The following CDC25C variants were observed in gnomAD, a reference collection of about 807,000 sequenced individuals.
CDC25C encodes cell division cycle 25C, also known as M-phase inducer phosphatase 3.
CDC25C carries 48 observed loss-of-function variants against 52.5 expected under a neutral mutation model. The observed-to-expected ratio is 0.91, with a 90% CI of 0.72 to 1.16. The LOEUF is 1.16. CDC25C is among the 50% of genes most tolerant of loss of function. The pLI is 0.00. For missense variants in CDC25C, 510 were observed against 566.1 expected (o/e 0.90, Z 1.01); for synonymous variants, 187 against 206.5 (o/e 0.91, Z 0.81).
chr5:138,305,731 A>AAATT (rs1757957523), intron 7 of CDC25C, among the ~76,000 whole-genome samples: 1 of 152,214 alleles, frequency 6.6e-6, no homozygotes, highest in Admixed American at 6.5e-5. Context: ...CTGTTATGGC[A>AAATT]GACATTTACA....
intron 7 of CDC25C, among the ~76,000 whole-genome samples, chr5:138,295,049 T>C (rs1373637400): frequency 3.3e-5 from 5 of 152,250 alleles, no homozygotes; most frequent in Non-Finnish European, 5.9e-5. Flanking sequence ...AAAGTACTTT[T>C]ATCTTTTAAC....
chr5:138,328,431 A>G (rs13162429), intron 4 of CDC25C, 53 bp downstream of exon 4: 4 of 1,517,844 alleles, frequency 2.6e-6, no homozygotes, highest in South Asian at 1.1e-5. Context: ...TAAAATCTCT[A>G]TGACCAGTGC....
chr5:138,323,448 C>T (rs1028803865), intron 6 of CDC25C, among the ~76,000 whole-genome samples: 1 of 151,940 alleles, frequency 6.6e-6, no homozygotes, highest in Non-Finnish European at 1.5e-5. Context: ...CAGGCATGCA[C>T]CACCAAGTCC....
At chr5:138,316,339 C>T (rs760608065) in intron 7 of CDC25C, among the ~76,000 whole-genome samples, 1 of 152,192 alleles carries the variant, frequency 6.6e-6, no homozygotes, top group Non-Finnish European at 1.5e-5. Context: ...CACCCTGCCA[C>T]CTTGACCCCC....
At chr5:138,294,024 ATTTTTTTTTTTT>A (rs36022580) in intron 7 of CDC25C, among the ~76,000 whole-genome samples, 1 of 125,976 alleles carries the variant, frequency 7.9e-6, no homozygotes, top group Non-Finnish European at 1.6e-5. Context: ...TTTTCTTTGG[ATTTTTTTTTTTT>A]TTTTTTTGAG....
chr5:138,338,295 T>G (rs568177872), exon 1 of CDC25C: 3 of 678,350 alleles, frequency 4.4e-6, no homozygotes, highest in East Asian at 1.3e-4. Context: ...CCCTGGGAGC[T>G]GGAGGAACCG....
At chr5:138,338,304 C>T (rs116204410) in exon 1 of CDC25C, 33 of 601,322 alleles carry the variant, frequency 5.5e-5, no homozygotes, top group African/African-American at 5.1e-4. Context: ...CTGGAGGAAC[C>T]GCGGTAGGTG....
At chr5:138,317,810 T>C (rs1759019540) in intron 7 of CDC25C, among the ~76,000 whole-genome samples, 1 of 150,728 alleles carries the variant, frequency 6.6e-6, no homozygotes, top group Non-Finnish European at 1.5e-5. Context: ...CTATCAGTGA[T>C]ATGGGAAAGA....
chr5:138,293,091 G>C (rs989144309), intron 7 of CDC25C, among the ~76,000 whole-genome samples: 1 of 152,198 alleles, frequency 6.6e-6, no homozygotes, highest in African/African-American at 2.4e-5. Flanking sequence ...TGGATATTAT[G>C]TTGTTTATCA....
At chr5:138,308,579 C>CA (rs1435810452) in intron 7 of CDC25C, among the ~76,000 whole-genome samples, 2 of 152,086 alleles carry the variant, frequency 1.3e-5, no homozygotes, top group Non-Finnish European at 2.9e-5. Context: ...ATTCCCAACT[C>CA]ACTGTTTTTC....
At chr5:138,331,940 A>C, upstream of CDC25C, 1 of 975,712 alleles carries the variant, frequency 1.0e-6, no homozygotes, top group Non-Finnish European at 1.2e-6. Flanking sequence ...CTCGCAGATC[A>C]CCTGGGGGCG....
intron 7 of CDC25C, among the ~76,000 whole-genome samples, chr5:138,295,352 T>C (rs1276866541): frequency 6.6e-6 from 1 of 152,194 alleles, no homozygotes; most frequent in Non-Finnish European, 1.5e-5. Context: ...AGCTCACACC[T>C]GTAATCCCAA....
intron 4 of CDC25C, among the ~76,000 whole-genome samples, chr5:138,328,132 G>T (rs1369641691): frequency 1.3e-5 from 2 of 152,176 alleles, no homozygotes; most frequent in African/African-American, 2.4e-5. Flanking sequence ...CTCCCAAAGT[G>T]CTGGGATTAC....
intron 7 of CDC25C, among the ~76,000 whole-genome samples, chr5:138,304,026 A>G (rs1416564624): frequency 6.6e-6 from 1 of 152,200 alleles, no homozygotes; most frequent in Non-Finnish European, 1.5e-5. Context: ...TTCTGATAGC[A>G]TCTGTTTTCT....
Position 138,294,464 on chromosome 5 carries a change from A to G in CDC25C, c.616-2348T>C, listed in dbSNP as rs1757016283. 2.1e-5 allele frequency among the ~76,000 whole-genome samples: 3 copies of G among 145,392 alleles called. No homozygotes were observed. The South Asian group carries it at 6.5e-4, about 31-fold the overall frequency. Reference sequence around the variant, plus strand: ...CTCAGCCTCCCAAAGTTCTGGGATTACAAGTGTGAGCCACCGTGCCCAACC... The same window carrying G: ...CTCAGCCTCCCAAAGTTCTGGGATTGCAAGTGTGAGCCACCGTGCCCAACC... On this transcript the variant is annotated intron_variant, in intron 7 of 13. Transcript: ENST00000323760.
intron 1 of CDC25C, among the ~76,000 whole-genome samples, chr5:138,337,355 C>T (rs1298409904): frequency 2.0e-5 from 3 of 152,192 alleles, no homozygotes; most frequent in African/African-American, 7.2e-5. Context: ...GTGGTTTTGT[C>T]TTCCTGAAGT....
At chr5:138,318,936 T>A (rs1759120620) in intron 7 of CDC25C, among the ~76,000 whole-genome samples, 1 of 152,158 alleles carries the variant, frequency 6.6e-6, no homozygotes, top group African/African-American at 2.4e-5. Context: ...ATCAACTGTT[T>A]AAACCATGTT....
rs1757641818 is a variant in CDC25C, at chr5:138,301,708, T to TA, written c.616-9593_616-9592insT. Among the ~76,000 whole-genome samples the TA allele has an allele frequency of 1.1e-4, 16 of 147,798 alleles. 1 individual carries two copies. The South Asian group carries it at 3.5e-3, about 32-fold the overall frequency. ...AGGTACACAAAAAAAAAAAAAAATT[T>TA]TTTTTTTTTTTTTCAGATGGAGTCT... On this transcript the variant is annotated intron_variant, in intron 7 of 13. Transcript: ENST00000323760.
intron 7 of CDC25C, among the ~76,000 whole-genome samples, chr5:138,314,452 C>T (rs1279669107): frequency 5.3e-5 from 8 of 151,432 alleles, no homozygotes; most frequent in Admixed American, 4.6e-4. Flanking sequence ...CCTGCCACCA[C>T]ACCCAGCTAA....
Sources: gnomAD v4.1 joint callset for allele counts (sites outside exome capture counted in the v4.1 genomes callset) on GRCh38, gnomAD v4.1.1 for gene constraint, MANE v1.5 for transcripts, NCBI Gene and HGNC (gene_info 2026-07-23, HGNC 2026-07-21) for gene names.